BRAF: variants seen among roughly 807,000 people sequenced by gnomAD.
BRAF encodes the protein serine/threonine-protein kinase B-raf.
BRAF carries 16 observed loss-of-function variants against 104.6 expected under a neutral mutation model. The observed-to-expected ratio is 0.15, with a 90% confidence interval of 0.10 to 0.23. The LOEUF (loss-of-function observed/expected upper bound fraction) is 0.23, where lower values mean the gene tolerates loss of function less well. Among genes scored for constraint, BRAF ranks in the 10% least tolerant of loss-of-function variants. The pLI is 1.00. For synonymous variants in BRAF, 310 were observed against 341.6 expected, an observed-to-expected ratio of 0.91 and a Z score of 1.02; for missense variants, 541 against 937.3, an observed-to-expected ratio of 0.58 and a Z score of 5.52.
intron 3 of BRAF, among the ~76,000 whole-genome samples, chr7:140,821,937 C>T (rs968371208): frequency 2.0e-5 from 3 of 152,068 alleles, no homozygotes; most frequent in African/African-American, 7.2e-5. Context: ...AACCAAATAT[C>T]AAATGTTCTC....
intron 1 of BRAF, among the ~76,000 whole-genome samples, chr7:140,903,552 C>T (rs1326092874): frequency 6.6e-6 from 1 of 152,190 alleles, no homozygotes; most frequent in Non-Finnish European, 1.5e-5. Context: ...CCTGCTAACA[C>T]ATAAATCTTG....
At chr7:140,726,554 A>G in intron 19 of BRAF, 2 of 1,481,910 alleles carry the variant, frequency 1.3e-6, no homozygotes, top group Non-Finnish European at 1.8e-6. Flanking sequence ...TAAAAAAGTC[A>G]TCTCAAATAA....
At chr7:140,765,901 A>C (rs1218245414) in intron 14 of BRAF, among the ~76,000 whole-genome samples, 1 of 143,882 alleles carries the variant, frequency 7.0e-6, no homozygotes, top group Non-Finnish European at 1.5e-5. Context: ...GCGATTCCTC[A>C]GGGATCTAGA....
intron 7 of BRAF, 58 bp downstream of exon 7, chr7:140,800,304 G>A: frequency 1.2e-6 from 2 of 1,612,002 alleles, no homozygotes; most frequent in Non-Finnish European, 1.7e-6. Context: ...TTAACCAGGA[G>A]ATCCAAAAGA....
intron 3 of BRAF, among the ~76,000 whole-genome samples, chr7:140,815,139 ATTT>A (rs535513876): frequency 7.2e-6 from 1 of 139,736 alleles, no homozygotes. Context: ...CATCAATTAC[ATTT>A]TTTTTTTTTT....
chr7:140,881,588 T>C (rs1375514197), intron 1 of BRAF, among the ~76,000 whole-genome samples: 4 of 152,314 alleles, frequency 2.6e-5, no homozygotes, highest in East Asian at 1.9e-4. Flanking sequence ...GTAGCACTTG[T>C]AGTTTCCTTC....
chr7:140,829,321 A>G (rs1447307799), intron 3 of BRAF, among the ~76,000 whole-genome samples: 1 of 150,466 alleles, frequency 6.6e-6, no homozygotes, highest in Admixed American at 6.6e-5. Flanking sequence ...GCAGCCTACT[A>G]GATTTTTCTT....
chr7:140,788,386 G>T (rs1316456508), intron 8 of BRAF, among the ~76,000 whole-genome samples: 1 of 151,966 alleles, frequency 6.6e-6, no homozygotes, highest in African/African-American at 2.4e-5. Context: ...GACATATTTT[G>T]GTTAAGAAAA....
intron 13 of BRAF, 137 bp from the exon 13 acceptor site, chr7:140,777,225 T>C (rs1800424720): frequency 1.1e-6 from 1 of 871,758 alleles, no homozygotes; most frequent in Non-Finnish European, 1.8e-6. Flanking sequence ...AACAAAAGGA[T>C]ACATTTAGAA....
At chr7:140,715,860 ACATT>A (rs1361757069), downstream of BRAF, among the ~76,000 whole-genome samples, 3 of 152,204 alleles carry the variant, frequency 2.0e-5, no homozygotes, top group African/African-American at 7.2e-5. Flanking sequence ...TCAAATCTTC[ACATT>A]ATTATTTCCA....
At chr7:140,803,525 T>TA (rs905693321) in intron 5 of BRAF, among the ~76,000 whole-genome samples, 2 of 151,944 alleles carry the variant, frequency 1.3e-5, no homozygotes, top group South Asian at 2.1e-4. Flanking sequence ...CTAATCTTAC[T>TA]AAAAAAAATA....
chr7:140,802,753 T>C (rs917319812), intron 5 of BRAF, among the ~76,000 whole-genome samples: 1 of 151,980 alleles, frequency 6.6e-6, no homozygotes, highest in Non-Finnish European at 1.5e-5. Flanking sequence ...GTCAAAAAGT[T>C]AAAAAAAATT....
intron 3 of BRAF, among the ~76,000 whole-genome samples, chr7:140,826,512 T>C (rs1806066218): frequency 6.6e-6 from 1 of 152,222 alleles, no homozygotes; most frequent in African/African-American, 2.4e-5. Flanking sequence ...AGTTTCCAAG[T>C]AACTGACAGA....
chr7:140,829,660 C>A (rs931935064), intron 3 of BRAF, among the ~76,000 whole-genome samples: 2 of 152,154 alleles, frequency 1.3e-5, no homozygotes, highest in Admixed American at 1.3e-4. Flanking sequence ...TGCCTTCTAG[C>A]CCTCAGTTTG....
chr7:140,878,875 C>T (rs1263082380), intron 1 of BRAF, among the ~76,000 whole-genome samples: 2 of 151,918 alleles, frequency 1.3e-5, no homozygotes, highest in East Asian at 3.9e-4. Context: ...CATTATGTAT[C>T]CATTTTTTTT....
intron 1 of BRAF, among the ~76,000 whole-genome samples, chr7:140,912,419 G>A (rs1223342084): frequency 6.6e-6 from 1 of 152,122 alleles, no homozygotes; most frequent in Non-Finnish European, 1.5e-5. Context: ...CCTATAGAAA[G>A]CCAATCCTTC....
intron 14 of BRAF, among the ~76,000 whole-genome samples, chr7:140,764,175 A>C (rs2129008862): frequency 6.6e-6 from 1 of 151,950 alleles, no homozygotes. Flanking sequence ...TCCAGCATAT[A>C]AACAGAACCA....
chr7:140,836,354 T>C (rs1356675830), intron 2 of BRAF: 2 of 152,064 alleles, frequency 1.3e-5, no homozygotes, highest in Non-Finnish European at 2.9e-5. Flanking sequence ...ATATACGCCA[T>C]GCTATCAAGT....
At position 140,721,347 on chromosome 7, in the gene BRAF, T is replaced by G. The variant is rs1170368092; in HGVS notation, c.*5147A>C. 1 of 1,210,160 alleles carries G rather than the reference T, an allele frequency of 8.3e-7. No individual in the cohort carries two copies. 75.0% of individuals were successfully genotyped at this position (1,210,160 alleles called of 1,614,324 possible). A position where few individuals can be genotyped will look rare whatever the true frequency, so the allele number is the denominator to read the frequency against. ...TTAATTTAAGATTTTAGGAGTTGGG[T>G]TTCTGTCCTTTTCCACATTAAAAAT... On this transcript the variant is annotated 3_prime_UTR_variant, in exon 20 of 20. Coordinates refer to ENST00000644969, the MANE Select transcript of BRAF (RefSeq NM_001374258.1).
Sources: allele counts gnomAD v4.1 joint callset (sites outside exome capture counted in the v4.1 genomes callset), GRCh38; gene constraint gnomAD v4.1.1; transcripts MANE v1.5; gene names NCBI Gene and HGNC (gene_info 2026-07-23, HGNC 2026-07-21).